SPOCK3: variants seen among roughly 807,000 people sequenced by gnomAD.
The protein encoded by SPOCK3 is SPARC (osteonectin), cwcv and kazal like domains proteoglycan 3.
A neutral mutation model predicts 56.6 loss-of-function variants in SPOCK3; 30 were observed. The observed-to-expected ratio is 0.53, with a 90% CI of 0.40 to 0.72. SPOCK3 has a LOEUF of 0.72. SPOCK3 is among the 30% of genes least tolerant of loss of function. The probability of loss-of-function intolerance (pLI) is 0.00; values close to 1 mark genes in which losing one functional copy is unlikely to be tolerated. For synonymous variants in SPOCK3, 196 were observed against 183.3 expected, an observed-to-expected ratio of 1.07 and a Z score of -0.56; for missense variants, 527 against 530.0, an observed-to-expected ratio of 0.99 and a Z score of 0.06.
chr4:166,850,879 C>T (rs1215041548), intron 6 of SPOCK3, among the ~76,000 whole-genome samples: 12 of 152,164 alleles, frequency 7.9e-5, no homozygotes, highest in East Asian at 1.9e-4. Context: ...AAGGTGGCAG[C>T]GAGGCTGGGG....
chr4:167,188,652 A>C (rs964539076), intron 2 of SPOCK3, among the ~76,000 whole-genome samples: 5 of 146,160 alleles, frequency 3.4e-5, no homozygotes, highest in Admixed American at 2.8e-4. Flanking sequence ...GAGCAGAAAA[A>C]AACAAAAACC....
At chr4:167,208,045 G>A (rs1252894081) in intron 2 of SPOCK3, among the ~76,000 whole-genome samples, 2 of 152,008 alleles carry the variant, frequency 1.3e-5, no homozygotes, top group African/African-American at 4.8e-5. Context: ...CATCTGATTT[G>A]AAGACCACCC....
intron 7 of SPOCK3, among the ~76,000 whole-genome samples, chr4:166,785,264 C>A (rs148783423): frequency 3.3e-5 from 5 of 152,048 alleles, no homozygotes; most frequent in African/African-American, 1.2e-4. Flanking sequence ...AAAATATATT[C>A]AAGAAGCCTG....
chr4:167,192,377 T>C (rs1413282130), intron 2 of SPOCK3, among the ~76,000 whole-genome samples: 3 of 145,874 alleles, frequency 2.1e-5, no homozygotes, highest in Non-Finnish European at 4.5e-5. Context: ...CTTTTTTACA[T>C]GCTTAGTGTA....
intron 4 of SPOCK3, among the ~76,000 whole-genome samples, chr4:166,998,297 A>T (rs910462934): frequency 2.0e-5 from 3 of 152,118 alleles, no homozygotes; most frequent in Non-Finnish European, 2.9e-5. Context: ...CTCCCCTCTG[A>T]ACCCTCTCCA....
chr4:166,801,637 C>T (rs545963294), intron 6 of SPOCK3, among the ~76,000 whole-genome samples: 14 of 152,074 alleles, frequency 9.2e-5, no homozygotes, highest in Admixed American at 3.3e-4. Flanking sequence ...TACATATAGA[C>T]AACTCGTTTC....
chr4:167,072,332 C>T (rs1289928945), intron 2 of SPOCK3, among the ~76,000 whole-genome samples: 1 of 151,934 alleles, frequency 6.6e-6, no homozygotes, highest in African/African-American at 2.4e-5. Context: ...TTAGCCACAC[C>T]CCTTTTTTTT....
chr4:166,747,946 T>C (rs1212959049), intron 8 of SPOCK3, among the ~76,000 whole-genome samples: 2 of 152,010 alleles, frequency 1.3e-5, no homozygotes, highest in East Asian at 3.9e-4. Context: ...AAGGACCTCT[T>C]CAAGGAGAAC....
At chr4:167,008,770 C>G (rs34584032) in intron 3 of SPOCK3, among the ~76,000 whole-genome samples, 28,245 of 151,822 alleles carry the variant, frequency 0.19, 2,972 homozygotes, top group African/African-American at 0.29. Flanking sequence ...TTCTTACTTA[C>G]AAGTGGGAGC....
Position 166,769,226 on chromosome 4 carries a change from G to A in SPOCK3, c.710-14497C>T, listed in dbSNP as rs566992044. 1.1e-4 allele frequency among the ~76,000 whole-genome samples: 16 copies of A among 152,288 alleles called. No individual in the cohort carries two copies. The East Asian group carries it at 2.9e-3, about 28-fold the overall frequency. Reference sequence around the variant, plus strand: ...GCTGTCCAGCTGTCTTCTGTTGCTGGGGAGGAGCTGCGTTCCTTTGGAGGG... The same window carrying A: ...GCTGTCCAGCTGTCTTCTGTTGCTGAGGAGGAGCTGCGTTCCTTTGGAGGG... On this transcript the variant is annotated intron_variant, in intron 7 of 10. Coordinates refer to ENST00000357545, the MANE Select transcript of SPOCK3 (RefSeq NM_001040159.2).
chr4:167,129,219 G>A (rs1470641725), intron 2 of SPOCK3, among the ~76,000 whole-genome samples: 1 of 152,222 alleles, frequency 6.6e-6, no homozygotes, highest in Non-Finnish European at 1.5e-5. Context: ...AAGTAACTGT[G>A]AAGATAGGGC....
intron 2 of SPOCK3, among the ~76,000 whole-genome samples, chr4:167,093,572 T>C (rs11132860): frequency 0.88 from 134,322 of 152,062 alleles, 59,601 homozygotes; most frequent in East Asian, 0.96. Context: ...GTTAGTTTGC[T>C]GAGAATGATG....
At chr4:167,069,003 G>C (rs1207305130) in intron 2 of SPOCK3, among the ~76,000 whole-genome samples, 3 of 151,934 alleles carry the variant, frequency 2.0e-5, no homozygotes, top group African/African-American at 7.2e-5. Context: ...GGTATCTGAA[G>C]TATCACCTAG....
chr4:167,193,520 AACTTTTT>A lies in SPOCK3; in HGVS notation c.189+40458_189+40464del, dbSNP rs888024242. Among the ~76,000 whole-genome samples, 3 of 145,850 alleles carry A rather than the reference AACTTTTT, an allele frequency of 2.1e-5. 1 individual carries two copies. Among genetic ancestry groups the A allele is most frequent in the Non-Finnish European group, 4.5e-5 (3 of 67,002 alleles). ...AGTTAGTTTAATACTTTTGCCTTTT[AACTTTTT>A]AATAAAGTTAAAAGTGATTTATGCA... is the stretch of plus-strand genomic sequence containing the variant. On this transcript the variant is annotated intron_variant, in intron 2 of 10. Transcript: ENST00000357545.
intron 2 of SPOCK3, among the ~76,000 whole-genome samples, chr4:167,113,012 C>T (rs1314323563): frequency 2.0e-5 from 3 of 151,998 alleles, no homozygotes; most frequent in Non-Finnish European, 4.4e-5. Context: ...GGTGATTTGC[C>T]TGCTTGATCA....
intron 3 of SPOCK3, among the ~76,000 whole-genome samples, chr4:167,059,581 G>C (rs1755349702): frequency 6.6e-6 from 1 of 152,052 alleles, no homozygotes; most frequent in African/African-American, 2.4e-5. Flanking sequence ...AACCATTGTG[G>C]AAGTCAGTGT....
intron 2 of SPOCK3, among the ~76,000 whole-genome samples, chr4:167,176,505 T>C (rs1371068075): frequency 6.6e-6 from 1 of 152,162 alleles, no homozygotes; most frequent in African/African-American, 2.4e-5. Context: ...TGAATTGCTC[T>C]AGTCTAAATC....
At chr4:167,061,286 A>T (rs964488856) in intron 3 of SPOCK3, among the ~76,000 whole-genome samples, 4 of 151,992 alleles carry the variant, frequency 2.6e-5, no homozygotes, top group Non-Finnish European at 5.9e-5. Flanking sequence ...CCAGTAAATA[A>T]CATCTCTGTC....
chr4:166,927,297 G>A lies in SPOCK3; in HGVS notation c.351-14554C>T, dbSNP rs188573513. Among the ~76,000 whole-genome samples, 11 of 152,210 alleles carry A rather than the reference G, an allele frequency of 7.2e-5. No individual in the cohort carries two copies. In the East Asian group the frequency reaches 1.7e-3, roughly 24 times the overall value. ...CTGTGAGGGATAATTGAATCATTGGGGCGGTTTCTCCATACAGTTCCTGTG... is the reference window on the plus strand; with the variant it reads ...CTGTGAGGGATAATTGAATCATTGGAGCGGTTTCTCCATACAGTTCCTGTG... On this transcript the variant is annotated intron_variant, in intron 4 of 10. Transcript: ENST00000357545.
Sources: gnomAD v4.1 joint callset for allele counts (sites outside exome capture counted in the v4.1 genomes callset) on GRCh38, gnomAD v4.1.1 for gene constraint, MANE v1.5 for transcripts, NCBI Gene and HGNC (gene_info 2026-07-23, HGNC 2026-07-21) for gene names.